GRM7: variants seen among roughly 807,000 people sequenced by gnomAD.
The protein encoded by GRM7 is glutamate metabotropic receptor 7.
A neutral mutation model predicts 84.5 loss-of-function variants in GRM7; 35 were observed. That is an observed-to-expected ratio of 0.41 (90% CI 0.32 to 0.55). The LOEUF is 0.55. Among genes scored for constraint, GRM7 ranks in the 20% least tolerant of loss-of-function variants. GRM7 has a pLI of 0.19. For synonymous variants in GRM7, 487 were observed against 455.1 expected (o/e 1.07, Z -0.89); for missense variants, 1,003 against 1,194.6 (o/e 0.84, Z 2.36).
Position 7,578,728 on chromosome 3 carries a change from G to A in GRM7, c.1822G>A (p.Val608Ile). 6.2e-7 allele frequency: 1 copy of A among 1,614,104 alleles called. No homozygotes were observed. The highest frequency in any genetic ancestry group is 8.5e-7 in the Non-Finnish European group (1 of 1,179,984). The change falls in exon 8 of 10, where the codon GTC becomes ATC. Residue 608 changes from valine (V) to isoleucine (I), a missense_variant. By Grantham distance (29) the Val-to-Ile change is conservative. Coordinates refer to ENST00000357716, the MANE Select transcript of GRM7 (RefSeq NM_000844.4). ...GTTGGGGATCATTGCCACCATCTTT[G>A]TCATGGCCACTTTCATCCGCTACAA... is the stretch of plus-strand genomic sequence containing the variant. ...AMLGIIATIF[V>I]MATFIRYNDT...
chr3:6,973,464 T>C (rs1468182379), intron 1 of GRM7, among the ~76,000 whole-genome samples: 1 of 152,144 alleles, frequency 6.6e-6, no homozygotes, highest in East Asian at 1.9e-4. Context: ...TTTGTATATA[T>C]GTGTACACAT....
At chr3:7,071,515 TA>T (rs1473044337) in intron 1 of GRM7, among the ~76,000 whole-genome samples, 1 of 152,064 alleles carries the variant, frequency 6.6e-6, no homozygotes, top group Non-Finnish European at 1.5e-5. Flanking sequence ...TGGCATGCTT[TA>T]AAAACTTGCT....
At chr3:6,876,426 G>C (rs1240384607) in intron 1 of GRM7, among the ~76,000 whole-genome samples, 1 of 151,930 alleles carries the variant, frequency 6.6e-6, no homozygotes, top group Non-Finnish European at 1.5e-5. Flanking sequence ...CAAATGGATT[G>C]TTTCATCCAA....
rs560013637 is a variant in GRM7 at position 7,312,766 on chromosome 3, GA to G, written c.1033+6124del. Reference sequence around the variant, plus strand: ...TTCATAGAGATATTTCCCTCCCTTAGAAAAAAAAAATGTCATGTTAATAGGG... The same window carrying G: ...TTCATAGAGATATTTCCCTCCCTTAGAAAAAAAAATGTCATGTTAATAGGG... On this transcript the variant is annotated intron_variant, in intron 4 of 9. Coordinates refer to ENST00000357716, the MANE Select transcript of GRM7 (RefSeq NM_000844.4). Among the ~76,000 whole-genome samples, 292 of 146,484 alleles carry G rather than the reference GA, an allele frequency of 2.0e-3. 1 individual carries two copies. The highest frequency in any genetic ancestry group is 7.1e-3 in the South Asian group (33 of 4,628).
intron 7 of GRM7, among the ~76,000 whole-genome samples, chr3:7,505,111 A>C (rs536003615): frequency 6.6e-6 from 1 of 152,362 alleles, no homozygotes; most frequent in African/African-American, 2.4e-5. Flanking sequence ...AACTGGTTCC[A>C]AGTAAGTCAA....
At position 7,014,498 on chromosome 3, in the gene GRM7, C is replaced by G. The variant is rs879311193; in HGVS notation, c.520-131954C>G. Among the ~76,000 whole-genome samples, 3 of 151,980 alleles carry G rather than the reference C, an allele frequency of 2.0e-5. No homozygotes were observed. The East Asian group carries it at 5.8e-4, about 29-fold the overall frequency. ...CTGGGATTACAGAGGTGCACCACCA[C>G]GCCCAGCTAATTTTTGTATTTTTAG... On this transcript the variant is annotated intron_variant, in intron 1 of 9. Coordinates refer to ENST00000357716, the MANE Select transcript of GRM7 (RefSeq NM_000844.4).
intron 2 of GRM7, among the ~76,000 whole-genome samples, chr3:7,276,470 T>G (rs1206891082): frequency 1.3e-5 from 2 of 152,080 alleles, no homozygotes; most frequent in South Asian, 2.1e-4. Flanking sequence ...CTCTGTAAGG[T>G]ACAAATTAGG....
Position 7,400,421 on chromosome 3 carries a change from C to G in GRM7, c.1034-14602C>G, listed in dbSNP as rs1421793281. ...CTTCACAATGCCTGTGAGATAACAT[C>G]CTGACTCTTTATACGGCAGACCCTC... is the stretch of plus-strand genomic sequence containing the variant. On this transcript the variant is annotated intron_variant, in intron 4 of 9. Transcript: ENST00000357716. Among the ~76,000 whole-genome samples the G allele has an allele frequency of 3.3e-5, 5 of 152,148 alleles. No individual in the cohort carries two copies. In the East Asian group the frequency reaches 7.7e-4, roughly 23 times the overall value.
At chr3:7,300,876 C>T (rs977533383) in intron 3 of GRM7, among the ~76,000 whole-genome samples, 1 of 152,154 alleles carries the variant, frequency 6.6e-6, no homozygotes, top group African/African-American at 2.4e-5. Flanking sequence ...AGAAATGATG[C>T]TTCTTTCGAC....
chr3:7,649,882 C>A (rs1442148192), intron 8 of GRM7, among the ~76,000 whole-genome samples: 2 of 151,564 alleles, frequency 1.3e-5, no homozygotes, highest in African/African-American at 4.8e-5. Context: ...AAGAGATGTT[C>A]AAAGCCAATA....
chr3:7,073,245 CA>C (rs543473137), intron 1 of GRM7, among the ~76,000 whole-genome samples: 1 of 151,898 alleles, frequency 6.6e-6, no homozygotes, highest in East Asian at 1.9e-4. Flanking sequence ...ATCCAAGATA[CA>C]AAAAAAGCAT....
At chr3:7,550,571 C>CTGTG (rs776259677) in intron 7 of GRM7, among the ~76,000 whole-genome samples, 68 of 87,216 alleles carry the variant, frequency 7.8e-4, no homozygotes, top group Non-Finnish European at 1.1e-3. Flanking sequence ...CTCTCTCTCT[C>CTGTG]TCTCTCTGTG....
At chr3:7,426,740 A>G (rs897820251) in intron 5 of GRM7, among the ~76,000 whole-genome samples, 6 of 152,110 alleles carry the variant, frequency 3.9e-5, no homozygotes, top group African/African-American at 1.4e-4. Context: ...ATATCTGTGG[A>G]TCCCCATCTT....
At chr3:7,051,072 A>G (rs1397810471) in intron 1 of GRM7, among the ~76,000 whole-genome samples, 1 of 151,776 alleles carries the variant, frequency 6.6e-6, no homozygotes, top group Non-Finnish European at 1.5e-5. Flanking sequence ...TTAAACACTC[A>G]CAAACATATT....
chr3:7,447,642 G>A (rs712790), intron 5 of GRM7, among the ~76,000 whole-genome samples: 2 of 151,738 alleles, frequency 1.3e-5, no homozygotes, highest in Non-Finnish European at 2.9e-5. Context: ...TGCGTGGGCC[G>A]GGTGTGGTGT....
At chr3:7,590,041 C>T (rs1695706519) in intron 8 of GRM7, among the ~76,000 whole-genome samples, 1 of 152,078 alleles carries the variant, frequency 6.6e-6, no homozygotes, top group Non-Finnish European at 1.5e-5. Context: ...ATCTTTATTC[C>T]TTCAGTGTCT....
At chr3:7,702,264 G>A (rs1014548936) in intron 9 of GRM7, among the ~76,000 whole-genome samples, 1 of 152,172 alleles carries the variant, frequency 6.6e-6, no homozygotes, top group South Asian at 2.1e-4. Flanking sequence ...CAAGAATCTT[G>A]TTAGACTGTG....
At chr3:7,726,501 T>A (rs1442079079) in intron 9 of GRM7, among the ~76,000 whole-genome samples, 2 of 150,248 alleles carry the variant, frequency 1.3e-5, no homozygotes, top group East Asian at 3.9e-4. Context: ...TCTCCCTACA[T>A]TTTATTTTGA....
intron 2 of GRM7, among the ~76,000 whole-genome samples, chr3:7,207,824 T>A (rs1030688048): frequency 3.3e-5 from 5 of 152,250 alleles, no homozygotes; most frequent in Non-Finnish European, 5.9e-5. Context: ...CAAATCATAC[T>A]GGTTTTGCTA....
Sources: gnomAD v4.1 joint callset for allele counts (sites outside exome capture counted in the v4.1 genomes callset) on GRCh38, gnomAD v4.1.1 for gene constraint, MANE v1.5 for transcripts, NCBI Gene and HGNC (gene_info 2026-07-23, HGNC 2026-07-21) for gene names.